PCBP4: variants seen among roughly 807,000 people sequenced by gnomAD.
The protein encoded by PCBP4 is poly(rC) binding protein 4, also known as poly(rC)-binding protein 4.
PCBP4 carries 24 observed loss-of-function variants against 46.2 expected under a neutral mutation model. The observed-to-expected ratio is 0.52, with a 90% CI of 0.38 to 0.73. The LOEUF (loss-of-function observed/expected upper bound fraction) is 0.73. PCBP4 is among the 30% of genes least tolerant of loss of function. PCBP4 has a pLI of 0.00. For missense variants in PCBP4, 407 were observed against 537.0 expected, an observed-to-expected ratio of 0.76 and a Z score of 2.39; for synonymous variants, 203 against 224.4, an observed-to-expected ratio of 0.90 and a Z score of 0.85.
rs776115446 is a variant in PCBP4, at chr3:51,960,715, C to T, written c.139-73G>A. On this transcript the variant is annotated intron_variant, in intron 5 of 13. Transcript: ENST00000461554. This position sits in a 1 kb window ranked among gnomAD's most constrained non-coding sequence, Gnocchi z 5.0. ...CCTTGCCGGAACTTGTCTGCCTGCC[C>T]CACTCACCAGGCCTGAGGCAAGGCT... The T allele has an allele frequency of 8.9e-6, 13 of 1,464,266 alleles. No individual in the cohort carries two copies. Among genetic ancestry groups the T allele is most frequent in the African/African-American group, 4.2e-5 (3 of 71,792 alleles). 90.7% of individuals were successfully genotyped at this position (1,464,266 alleles called of 1,614,324 possible). A position where few individuals can be genotyped will look rare whatever the true frequency, so the allele number is the denominator to read the frequency against.
chr3:51,962,976 C>G (rs569506254), intron 1 of PCBP4: 1 of 152,344 alleles, frequency 6.6e-6, no homozygotes, highest in Non-Finnish European at 1.5e-5. Context: ...TAGACATTCC[C>G]CCAGCTGCCT....
chr3:51,961,496 T>C (rs1267612635), intron 2 of PCBP4, 192 bp from the exon 3 acceptor site: 4 of 660,232 alleles, frequency 6.1e-6, no homozygotes, highest in African/African-American at 5.4e-5. Context: ...GGGGAGCCCA[T>C]TCAACCCTCT....
At position 51,960,932 on chromosome 3, in the gene PCBP4, ACTTAGAGGTCACAGCCTC is replaced by A. The variant is rs749596930; in HGVS notation, c.106-52_106-35del. 1.9e-6 allele frequency: 3 copies of A among 1,614,024 alleles called. No individual in the cohort carries two copies. The South Asian group carries it at 3.3e-5, about 18-fold the overall frequency. ...GGTACAAAACAGATAATCACTCTTAACTTAGAGGTCACAGCCTCCTTCCCTGGGCTGAAGCCTCAGCTG... is the reference window on the plus strand; with the variant it reads ...GGTACAAAACAGATAATCACTCTTAACTTCCCTGGGCTGAAGCCTCAGCTG... On this transcript the variant is annotated intron_variant, in intron 4 of 13. Coordinates refer to ENST00000461554, the MANE Select transcript of PCBP4 (RefSeq NM_001174100.2). This position sits in a 1 kb window ranked among gnomAD's most constrained non-coding sequence, Gnocchi z 5.0.
At chr3:51,965,368 T>C (rs927704137) in intron 1 of PCBP4, among the ~76,000 whole-genome samples, 1 of 152,182 alleles carries the variant, frequency 6.6e-6, no homozygotes, top group Non-Finnish European at 1.5e-5. Context: ...TCTCCAGGCT[T>C]ACCTCAGCTC....
chr3:51,960,733 G>A lies in PCBP4; in HGVS notation c.139-91C>T. ...GCCTGCCCCACTCACCAGGCCTGAG[G>A]CAAGGCTCAAAACTGCCACCCTCTG... On this transcript the variant is annotated intron_variant, in intron 5 of 13. Transcript: ENST00000461554. This position sits in a 1 kb window ranked among gnomAD's most constrained non-coding sequence, Gnocchi z 5.0. The A allele has an allele frequency of 6.8e-7, 1 of 1,464,750 alleles. No individual in the cohort carries two copies. The highest frequency in any genetic ancestry group is 9.6e-7 in the Non-Finnish European group (1 of 1,044,254). 90.7% of individuals were successfully genotyped at this position (1,464,750 alleles called of 1,614,324 possible). A position where few individuals can be genotyped will look rare whatever the true frequency, so the allele number is the denominator to read the frequency against.
Position 51,959,491 on chromosome 3 carries a change from A to G in PCBP4, c.592-80T>C. The stretch of plus-strand genomic sequence containing the variant: ...GAGTCACTCCTTCCCCCGTCCCTGG[A>G]CCTCCAATTCCTTCTTCCATCCCCT... On this transcript the variant is annotated intron_variant, in intron 9 of 13. Coordinates refer to ENST00000461554, the MANE Select transcript of PCBP4 (RefSeq NM_001174100.2). The surrounding 1 kb of genome is among the most constrained non-coding windows in gnomAD (Gnocchi z 5.6). The G allele has an allele frequency of 6.6e-7, 1 of 1,526,096 alleles. No homozygotes were observed. The highest frequency in any genetic ancestry group is 8.9e-7 in the Non-Finnish European group (1 of 1,126,358). The allele number at this position is 1,526,096 out of a possible 1,614,324, so 94.5% of individuals were successfully genotyped here. A position where few individuals can be genotyped will look rare whatever the true frequency, so the allele number is the denominator to read the frequency against.
At chr3:51,965,206 C>T (rs1367009889) in intron 1 of PCBP4, among the ~76,000 whole-genome samples, 2 of 152,216 alleles carry the variant, frequency 1.3e-5, no homozygotes, top group Admixed American at 6.5e-5. Context: ...CCCATGGCTG[C>T]CCAGTCCCCA....
intron 2 of PCBP4, chr3:51,961,706 T>C: frequency 1.0e-6 from 1 of 988,868 alleles, no homozygotes; most frequent in South Asian, 4.5e-5. Flanking sequence ...AGGTAACCTC[T>C]GTGGATGGGG....
At chr3:51,961,123 C>A (rs1433740536) in intron 3 of PCBP4, 37 bp downstream of exon 3, 13 of 1,613,790 alleles carry the variant, frequency 8.1e-6, no homozygotes, top group Non-Finnish European at 1.1e-5. Flanking sequence ...CAGCCCAGCC[C>A]AGCCTTGCCT....
intron 1 of PCBP4, among the ~76,000 whole-genome samples, chr3:51,966,535 C>T (rs771750895): frequency 1.3e-5 from 2 of 152,044 alleles, no homozygotes; most frequent in Admixed American, 6.5e-5. Flanking sequence ...GCCTTTGTGG[C>T]GGAAGGCAAG....
rs112028071 is a variant in PCBP4, at chr3:51,959,643, G to T, written c.525C>A (p.Pro175=). ...GATGGTAGGGGATAGTGGCTCCTTT[G>T]GGTGGGGACTGGAAGGCATAAACAG... ...QICAVILESP[P]KGATIPYHPS... Residue 175 remains proline (P), a synonymous_variant, in exon 9 of 14, where the codon CCC becomes CCA. Transcript: ENST00000461554. This position sits in a 1 kb window ranked among gnomAD's most constrained non-coding sequence, Gnocchi z 5.6. 6.4e-7 allele frequency: 1 copy of T among 1,551,506 alleles called. No homozygotes were observed. The highest frequency in any genetic ancestry group is 8.7e-7 in the Non-Finnish European group (1 of 1,146,812).
In PCBP4 at chr3:51,959,623, T is replaced by C. The variant is rs562014549; in HGVS notation, c.545A>G (p.Tyr182Cys). ...ESPPKGATIP[Y>C]HPSLSLGTVL... is the part of the protein sequence containing the mutation. ...AGTACCTAGGGAGAGGCTCGGATGGTAGGGGATAGTGGCTCCTTTGGGTGG... is the reference window on the plus strand; with the variant it reads ...AGTACCTAGGGAGAGGCTCGGATGGCAGGGGATAGTGGCTCCTTTGGGTGG... The change falls in exon 9 of 14, where the codon TAC becomes TGC. Residue 182 changes from tyrosine to cysteine, a missense_variant. Coordinates refer to ENST00000461554, the MANE Select transcript of PCBP4 (RefSeq NM_001174100.2). The surrounding 1 kb of genome is among the most constrained non-coding windows in gnomAD (Gnocchi z 5.6). 6.4e-7 allele frequency: 1 copy of C among 1,551,346 alleles called. No individual in the cohort carries two copies. The highest frequency in any genetic ancestry group is 2.4e-5 in the East Asian group (1 of 40,932).
At chr3:51,965,790 C>T (rs1700391495) in intron 1 of PCBP4, among the ~76,000 whole-genome samples, 1 of 152,132 alleles carries the variant, frequency 6.6e-6, no homozygotes, top group Non-Finnish European at 1.5e-5. Context: ...CAGCCCTACT[C>T]CTGCCGTTTT....
chr3:51,961,468 C>G, intron 2 of PCBP4, 164 bp from the exon 3 acceptor site: 1 of 843,904 alleles, frequency 1.2e-6, no homozygotes, highest in Non-Finnish European at 1.8e-6. Flanking sequence ...ATGTGTGTCT[C>G]ACGAGCTGTG....
Position 51,958,544 on chromosome 3 carries a change from A to C in PCBP4, c.924-195T>G, listed in dbSNP as rs144197139. On this transcript the variant is annotated intron_variant, in intron 13 of 13. Transcript: ENST00000461554. This position sits in a 1 kb window ranked among gnomAD's most constrained non-coding sequence, Gnocchi z 5.4. ...AGATATAGCACGAGGTGCAGGGAGAAATGGGGTGGCCAGAGACCCAGGGAA... is the reference window on the plus strand; with the variant it reads ...AGATATAGCACGAGGTGCAGGGAGACATGGGGTGGCCAGAGACCCAGGGAA... Among the ~76,000 whole-genome samples, 295 of 151,554 alleles carry C rather than the reference A, an allele frequency of 1.9e-3. 2 individuals are homozygous for C. Among genetic ancestry groups the C allele is most frequent in the African/African-American group, 6.3e-3 (261 of 41,328 alleles).
chr3:51,960,896 C>T lies in PCBP4; in HGVS notation c.108G>A (p.Lys36=). 1 of 1,610,076 alleles carries T rather than the reference C, an allele frequency of 6.2e-7. No individual in the cohort carries two copies. Among genetic ancestry groups the T allele is most frequent in the Non-Finnish European group, 8.5e-7 (1 of 1,180,002 alleles). The stretch of plus-strand genomic sequence containing the variant: ...CCCGGATTCGCTTTACAGTCTCGCC[C>T]TTCTGTGGGAGGTACAAAACAGATA... ...GKEVGSIIGK[K]GETVKRIREQ... Residue 36 remains lysine (K), a splice_region_variant and synonymous_variant, in exon 5 of 14, where the codon AAG becomes AAA. Coordinates refer to ENST00000461554, the MANE Select transcript of PCBP4 (RefSeq NM_001174100.2). This position sits in a 1 kb window ranked among gnomAD's most constrained non-coding sequence, Gnocchi z 5.0.
chr3:51,963,782 C>G (rs1577691946), intron 1 of PCBP4, among the ~76,000 whole-genome samples: 1 of 152,200 alleles, frequency 6.6e-6, no homozygotes, highest in African/African-American at 2.4e-5. Context: ...TATCTGCGCC[C>G]TTCCTGGTCT....
In PCBP4 at chr3:51,960,476, G is replaced by T. The variant is rs371898547; in HGVS notation, c.255+50C>A. 6 of 1,568,904 alleles carry T rather than the reference G, an allele frequency of 3.8e-6. No individual in the cohort carries two copies. The highest frequency in any genetic ancestry group is 1.4e-5 in the African/African-American group (1 of 73,898). ...AGCCACTATCTGGAGTCAGAGTTGG[G>T]TTCCTCCTGGGGAACCACTCTTGGC... On this transcript the variant is annotated intron_variant, in intron 6 of 13. Transcript: ENST00000461554. This position sits in a 1 kb window ranked among gnomAD's most constrained non-coding sequence, Gnocchi z 5.0.
Position 51,959,108 on chromosome 3 carries a change from GA to G in PCBP4, c.701-10del, listed in dbSNP as rs1167388510. The G allele has an allele frequency of 6.2e-7, 1 of 1,613,730 alleles. No individual in the cohort carries two copies. The highest frequency in any genetic ancestry group is 1.3e-5 in the African/African-American group (1 of 74,906). ...TGTGCCGGGATCCAGTCCTGAGGGG[GA>G]GAAGAGGGACTGAGTGTGGTTCTGG... On this transcript the variant is annotated splice_polypyrimidine_tract_variant and intron_variant, in intron 11 of 13. Transcript: ENST00000461554. The surrounding 1 kb of genome is among the most constrained non-coding windows in gnomAD (Gnocchi z 5.6).
Sources: gnomAD v4.1 joint callset for allele counts (sites outside exome capture counted in the v4.1 genomes callset) on GRCh38, gnomAD v4.1.1 for gene constraint, Gnocchi (gnomAD v3.1) non-coding constraint, MANE v1.5 for transcripts, NCBI Gene and HGNC (gene_info 2026-07-23, HGNC 2026-07-21) for gene names.